Variants in HS6ST3 observed in about 807,000 individuals in gnomAD.
The protein encoded by HS6ST3 is heparan-sulfate 6-O-sulfotransferase 3.
HS6ST3 carries 12 observed loss-of-function variants against 36.7 expected under a neutral mutation model. The ratio of observed to expected loss-of-function variants is 0.33; its 90% CI spans 0.21 to 0.53. The LOEUF is 0.53. Among genes scored for constraint, HS6ST3 ranks in the 20% least tolerant of loss-of-function variants. HS6ST3 has a pLI of 0.95. For synonymous variants in HS6ST3, 240 were observed against 257.5 expected, an observed-to-expected ratio of 0.93 and a Z score of 0.65; for missense variants, 584 against 640.9, an observed-to-expected ratio of 0.91 and a Z score of 0.96.
chr13:96,450,181 G>C (rs138954662), intron 1 of HS6ST3, among the ~76,000 whole-genome samples: 1,948 of 152,276 alleles, frequency 0.013, 12 homozygotes, highest in Non-Finnish European at 0.02. Flanking sequence ...TCCAAGAGAT[G>C]GGTAGTTCTT....
At chr13:96,447,228 C>A (rs1291084197) in intron 1 of HS6ST3, among the ~76,000 whole-genome samples, 2 of 152,264 alleles carry the variant, frequency 1.3e-5, no homozygotes, top group Non-Finnish European at 2.9e-5. Flanking sequence ...CGCTTTCATG[C>A]ATTCTCTCCA....
intron 1 of HS6ST3, among the ~76,000 whole-genome samples, chr13:96,424,602 T>C (rs907927761): frequency 3.9e-5 from 6 of 152,178 alleles, no homozygotes; most frequent in African/African-American, 1.2e-4. Flanking sequence ...CAATGTCTGC[T>C]AACAGCCCAC....
chr13:96,293,823 G>A (rs942853657), intron 1 of HS6ST3, among the ~76,000 whole-genome samples: 1 of 152,052 alleles, frequency 6.6e-6, no homozygotes. Context: ...GAGATGTCAA[G>A]GTGTGCAAAC....
At chr13:96,507,213 G>A (rs1375402688) in intron 1 of HS6ST3, among the ~76,000 whole-genome samples, 1 of 152,106 alleles carries the variant, frequency 6.6e-6, no homozygotes, top group Non-Finnish European at 1.5e-5. Context: ...AATTCTGCTG[G>A]CAATTTGGTG....
chr13:96,151,295 T>C (rs1189923085), intron 1 of HS6ST3, among the ~76,000 whole-genome samples: 4 of 151,890 alleles, frequency 2.6e-5, no homozygotes, highest in Non-Finnish European at 4.4e-5. Flanking sequence ...TCATGACTAC[T>C]TGGGAAGCTG....
intron 1 of HS6ST3, among the ~76,000 whole-genome samples, chr13:96,131,337 T>G (rs887527010): frequency 3.3e-5 from 5 of 152,164 alleles, no homozygotes; most frequent in African/African-American, 1.2e-4. Flanking sequence ...ACTTAAGGCT[T>G]AGGATATTTT....
intron 1 of HS6ST3, among the ~76,000 whole-genome samples, chr13:96,487,253 C>G (rs925291791): frequency 6.6e-6 from 1 of 151,978 alleles, no homozygotes; most frequent in Non-Finnish European, 1.5e-5. Context: ...TAAGAAAACT[C>G]TAATAGTGCA....
intron 1 of HS6ST3, among the ~76,000 whole-genome samples, chr13:96,208,152 C>T (rs2054381284): frequency 6.6e-6 from 1 of 152,034 alleles, no homozygotes. Context: ...TATTAAAGCA[C>T]CTCCCACTCC....
intron 1 of HS6ST3, among the ~76,000 whole-genome samples, chr13:96,808,139 G>T (rs1448088308): frequency 6.6e-6 from 1 of 152,202 alleles, no homozygotes; most frequent in African/African-American, 2.4e-5. Context: ...CTGCCATACA[G>T]AGGAGCCTTG....
Position 96,234,720 on chromosome 13 carries a change from C to T in HS6ST3, c.707+143151C>T, listed in dbSNP as rs953485901. Among the ~76,000 whole-genome samples the T allele has an allele frequency of 9.2e-5, 14 of 152,184 alleles. No individual in the cohort carries two copies. The East Asian group carries it at 1.5e-3, about 17-fold the overall frequency. On this transcript the variant is annotated intron_variant, in intron 1 of 1. Transcript: ENST00000376705. ...CTCCCACCATATCCTTCCGATGATA[C>T]GTGGGAATTATGGGAGCTACAATTC... is the stretch of plus-strand genomic sequence containing the variant.
At chr13:96,344,887 G>T (rs1355696532) in intron 1 of HS6ST3, among the ~76,000 whole-genome samples, 2 of 152,150 alleles carry the variant, frequency 1.3e-5, no homozygotes, top group African/African-American at 2.4e-5. Context: ...TGATCTTGTA[G>T]CTTTCTCTCT....
At chr13:96,314,468 C>T (rs867826493) in intron 1 of HS6ST3, among the ~76,000 whole-genome samples, 12 of 152,198 alleles carry the variant, frequency 7.9e-5, no homozygotes, top group South Asian at 2.1e-4. Flanking sequence ...AGAAAGAAAA[C>T]GAAAGAGAAA....
chr13:96,702,205 T>G (rs1033885516), intron 1 of HS6ST3, among the ~76,000 whole-genome samples: 1 of 152,146 alleles, frequency 6.6e-6, no homozygotes, highest in South Asian at 2.1e-4. Context: ...AAATCACAGA[T>G]GTAGGAGAGG....
At chr13:96,515,943 A>G (rs1330736716) in intron 1 of HS6ST3, among the ~76,000 whole-genome samples, 2 of 152,168 alleles carry the variant, frequency 1.3e-5, no homozygotes, top group Non-Finnish European at 2.9e-5. Context: ...TCTTTATGCC[A>G]TAGACTCCTA....
intron 1 of HS6ST3, among the ~76,000 whole-genome samples, chr13:96,370,095 TAAAAAC>T: frequency 6.6e-6 from 1 of 152,112 alleles, no homozygotes; most frequent in East Asian, 1.9e-4. Flanking sequence ...CTGGCAATGA[TAAAAAC>T]AAAAACAAAA....
chr13:96,110,939 C>G (rs1234329668), intron 1 of HS6ST3, among the ~76,000 whole-genome samples: 1 of 152,186 alleles, frequency 6.6e-6, no homozygotes, highest in East Asian at 1.9e-4. Context: ...AGATCATTTT[C>G]TCACCATTCT....
rs2053758913 is a variant in HS6ST3, at chr13:96,090,966, C to T, written c.104C>T (p.Thr35Ile). The stretch of plus-strand genomic sequence containing the variant: ...TCCCCCTCCTGCACCAGCTCCTGCA[C>T]CAACTTCGGGGAGCAGCCCCGCGCG... The part of the protein sequence containing the change: ...YVSPSCTSSC[T>I]NFGEQPRAGE... Residue 35 changes from threonine to isoleucine, a missense_variant, in exon 1 of 2, where the codon ACC becomes ATC. This residue lies in a region of HS6ST3 where 217 missense variants were observed against 205.4 expected (regional missense o/e 1.06). Transcript: ENST00000376705. 2 of 1,422,266 alleles carry T rather than the reference C, an allele frequency of 1.4e-6. No homozygotes were observed. The highest frequency in any genetic ancestry group is 1.9e-6 in the Non-Finnish European group (2 of 1,077,526). 88.1% of individuals were successfully genotyped at this position (1,422,266 alleles called of 1,614,324 possible). A position where few individuals can be genotyped will look rare whatever the true frequency, so the allele number is the denominator to read the frequency against.
At chr13:96,231,025 A>G (rs1381645291) in intron 1 of HS6ST3, among the ~76,000 whole-genome samples, 2 of 152,016 alleles carry the variant, frequency 1.3e-5, no homozygotes, top group African/African-American at 4.8e-5. Flanking sequence ...AGGTGGTAAG[A>G]CCACCTACCC....
At chr13:96,577,593 A>G (rs2056326546) in intron 1 of HS6ST3, among the ~76,000 whole-genome samples, 1 of 152,168 alleles carries the variant, frequency 6.6e-6, no homozygotes, top group African/African-American at 2.4e-5. Flanking sequence ...GGAATCGCCT[A>G]TCCATCTGAC....
Sources: gnomAD v4.1 joint callset for allele counts (sites outside exome capture counted in the v4.1 genomes callset) on GRCh38, gnomAD v4.1.1 for gene constraint, gnomAD v4.1.1 regional missense constraint, MANE v1.5 for transcripts, NCBI Gene and HGNC (gene_info 2026-07-23, HGNC 2026-07-21) for gene names.